The following THSD7B variants were observed in gnomAD, a reference collection of about 807,000 sequenced individuals.
The protein encoded by THSD7B is thrombospondin type-1 domain-containing protein 7B.
In THSD7B, 138 loss-of-function variants were observed where a neutral mutation model predicts 213.6. That is an observed-to-expected ratio of 0.65 (90% CI 0.56 to 0.74). The LOEUF (loss-of-function observed/expected upper bound fraction) is 0.74. Ranked by LOEUF, THSD7B falls within the 30% of genes least tolerant of loss-of-function variation. The pLI is 0.00. For missense variants in THSD7B, 1,931 were observed against 1,991.5 expected, an observed-to-expected ratio of 0.97 and a Z score of 0.58; for synonymous variants, 742 against 687.0, an observed-to-expected ratio of 1.08 and a Z score of -1.25.
intron 15 of THSD7B, among the ~76,000 whole-genome samples, chr2:137,545,443 A>G (rs1680689496): frequency 6.6e-6 from 1 of 151,826 alleles, no homozygotes; most frequent in Non-Finnish European, 1.5e-5. Context: ...ATAATCTTTC[A>G]CACAGGATAA....
intron 22 of THSD7B, among the ~76,000 whole-genome samples, chr2:137,656,042 G>T (rs907269774): frequency 6.6e-6 from 1 of 152,140 alleles, no homozygotes; most frequent in African/African-American, 2.4e-5. Context: ...TGAATTCTGG[G>T]TGATGGCATG....
rs1406664055 is a variant in THSD7B, at chr2:137,056,639, C to A, written c.359C>A (p.Ala120Asp). Reference protein sequence around the residue: ...DWHHCVLVPYARGEVKPRTAE... With the variant: ...DWHHCVLVPYDRGEVKPRTAE... The stretch of plus-strand genomic sequence containing the variant: ...CACCACTGTGTGCTTGTTCCTTACG[C>A]TCGCGGTGAAGTCAAGCCTCGGACT... Residue 120 changes from alanine (A) to aspartate (D), a missense_variant, in exon 3 of 28, where the codon GCT becomes GAT. Transcript: ENST00000409968. 6.2e-7 allele frequency: 1 copy of A among 1,613,976 alleles called. No individual in the cohort carries two copies. Among genetic ancestry groups the A allele is most frequent in the Non-Finnish European group, 8.5e-7 (1 of 1,179,878 alleles).
At chr2:137,634,682 T>C (rs1324111858) in intron 20 of THSD7B, among the ~76,000 whole-genome samples, 1 of 152,196 alleles carries the variant, frequency 6.6e-6, no homozygotes, top group Non-Finnish European at 1.5e-5. Context: ...CTGGCTACTT[T>C]GATTGGAAAG....
chr2:136,966,239 A>G (rs1289654294), intron 2 of THSD7B, among the ~76,000 whole-genome samples: 1 of 150,378 alleles, frequency 6.6e-6, no homozygotes, highest in South Asian at 2.1e-4. Context: ...TTTTTTTGAG[A>G]CAGGGTTTCA....
chr2:137,515,921 G>C (rs891255421), intron 15 of THSD7B, among the ~76,000 whole-genome samples: 1 of 152,174 alleles, frequency 6.6e-6, no homozygotes, highest in South Asian at 2.1e-4. Flanking sequence ...CAATACTTAT[G>C]AAATAGATTT....
At chr2:137,369,192 TG>T (rs1239360623) in intron 12 of THSD7B, among the ~76,000 whole-genome samples, 1 of 152,040 alleles carries the variant, frequency 6.6e-6, no homozygotes, top group Non-Finnish European at 1.5e-5. Flanking sequence ...AGACACTATT[TG>T]GCATTGCATC....
At chr2:136,956,058 A>G (rs549469166) in intron 2 of THSD7B, among the ~76,000 whole-genome samples, 1 of 151,228 alleles carries the variant, frequency 6.6e-6, no homozygotes, top group Non-Finnish European at 1.5e-5. Context: ...AAAAGAAACT[A>G]TATGTTTTCT....
At chr2:137,315,708 A>G (rs189448999) in intron 12 of THSD7B, among the ~76,000 whole-genome samples, 4 of 152,208 alleles carry the variant, frequency 2.6e-5, no homozygotes, top group Admixed American at 2.6e-4. Context: ...CTGTGTTTAG[A>G]TGGAATATAT....
chr2:137,517,437 G>T (rs193002428), intron 15 of THSD7B, among the ~76,000 whole-genome samples: 1 of 152,272 alleles, frequency 6.6e-6, no homozygotes, highest in Admixed American at 6.5e-5. Flanking sequence ...AAATTTCTAG[G>T]GGTCTGGTGG....
chr2:137,506,182 A>C (rs1255828546), intron 15 of THSD7B, among the ~76,000 whole-genome samples: 1 of 152,144 alleles, frequency 6.6e-6, no homozygotes, highest in Non-Finnish European at 1.5e-5. Context: ...CTTCATAACC[A>C]CTCAAGGCAG....
At chr2:136,976,284 A>T (rs1452797038) in intron 2 of THSD7B, among the ~76,000 whole-genome samples, 5 of 152,184 alleles carry the variant, frequency 3.3e-5, no homozygotes, top group Non-Finnish European at 7.3e-5. Flanking sequence ...TTGCCCATTC[A>T]TTATGATATT....
chr2:137,354,639 T>G (rs1254271225), intron 12 of THSD7B, among the ~76,000 whole-genome samples: 1 of 152,142 alleles, frequency 6.6e-6, no homozygotes, highest in East Asian at 1.9e-4. Context: ...ATAAGTTCTA[T>G]AGTCATTTTT....
At chr2:137,474,515 T>C (rs1688157442) in intron 15 of THSD7B, among the ~76,000 whole-genome samples, 1 of 152,170 alleles carries the variant, frequency 6.6e-6, no homozygotes, top group Non-Finnish European at 1.5e-5. Context: ...CAAGAAGTGT[T>C]TCTTTATTTT....
chr2:137,229,755 C>A (rs1384026517), intron 7 of THSD7B, among the ~76,000 whole-genome samples: 1 of 152,142 alleles, frequency 6.6e-6, no homozygotes, highest in African/African-American at 2.4e-5. Context: ...CCTCTCTGAG[C>A]CTCTGCTCTG....
intron 21 of THSD7B, among the ~76,000 whole-genome samples, chr2:137,648,054 C>T (rs1274359654): frequency 6.6e-6 from 1 of 152,104 alleles, no homozygotes; most frequent in African/African-American, 2.4e-5. Context: ...AGATACTCAT[C>T]TCATAGTGCC....
intron 9 of THSD7B, among the ~76,000 whole-genome samples, chr2:137,236,856 A>G (rs1427829271): frequency 6.6e-6 from 1 of 152,148 alleles, no homozygotes. Flanking sequence ...CATGCCTGTA[A>G]TCCCAGCACT....
At chr2:137,098,983 T>G (rs1688093877) in intron 4 of THSD7B, among the ~76,000 whole-genome samples, 2 of 152,200 alleles carry the variant, frequency 1.3e-5, no homozygotes, top group African/African-American at 4.8e-5. Flanking sequence ...GCCTTAAGTT[T>G]GTTTCGAAGT....
chr2:137,011,817 T>C (rs750190096), intron 2 of THSD7B, among the ~76,000 whole-genome samples: 2 of 152,234 alleles, frequency 1.3e-5, no homozygotes, highest in South Asian at 2.1e-4. Flanking sequence ...TATTTCTGAA[T>C]TCCTATTGCA....
intron 3 of THSD7B, among the ~76,000 whole-genome samples, chr2:137,076,572 C>T (rs540578837): frequency 1.4e-4 from 22 of 152,204 alleles, no homozygotes; most frequent in African/African-American, 3.4e-4. Context: ...TTTCGGCTGG[C>T]GCACAGTGCG....
Sources: gnomAD v4.1 joint callset for allele counts (sites outside exome capture counted in the v4.1 genomes callset) on GRCh38, gnomAD v4.1.1 for gene constraint, MANE v1.5 for transcripts, NCBI Gene and HGNC (gene_info 2026-07-23, HGNC 2026-07-21) for gene names.